Variants in IQGAP2 observed in about 807,000 individuals in gnomAD.
IQGAP2 encodes the protein IQ motif containing GTPase activating protein 2.
IQGAP2 carries 173 observed loss-of-function variants against 201.3 expected under a neutral mutation model. The ratio of observed to expected loss-of-function variants is 0.86; its 90% confidence interval spans 0.76 to 0.98. IQGAP2 has a LOEUF of 0.98. Among genes scored for constraint, IQGAP2 ranks in the 50% least tolerant of loss-of-function variants. IQGAP2 has a pLI of 0.00. For synonymous variants in IQGAP2, 675 were observed against 673.9 expected, an observed-to-expected ratio of 1.00 and a Z score of -0.03; for missense variants, 1,687 against 1,864.8, an observed-to-expected ratio of 0.90 and a Z score of 1.76.
At chr5:76,609,056 T>A in intron 12 of IQGAP2, 1 of 1,516,754 alleles carries the variant, frequency 6.6e-7, no homozygotes, top group Non-Finnish European at 8.8e-7. Flanking sequence ...GGCTTCTGGG[T>A]AATCTTTCAG....
At chr5:76,461,979 T>C (rs979354052) in intron 2 of IQGAP2, among the ~76,000 whole-genome samples, 1 of 152,230 alleles carries the variant, frequency 6.6e-6, no homozygotes, top group Non-Finnish European at 1.5e-5. Flanking sequence ...ATTTGCAGTC[T>C]TGTTGGCAGC....
intron 2 of IQGAP2, chr5:76,510,558 G>A (rs1757900613): frequency 1.1e-5 from 5 of 454,906 alleles, no homozygotes; most frequent in South Asian, 8.0e-5. Context: ...AAGGTATAGA[G>A]TCTCATGGAC....
chr5:76,665,886 A>G (rs1053334761), intron 22 of IQGAP2, among the ~76,000 whole-genome samples: 1 of 152,222 alleles, frequency 6.6e-6, no homozygotes, highest in African/African-American at 2.4e-5. Flanking sequence ...AGCAATAGAA[A>G]TTAACAAGCA....
At chr5:76,699,551 T>G (rs1228737353) in intron 33 of IQGAP2, 1 of 151,390 alleles carries the variant, frequency 6.6e-6, no homozygotes, top group Non-Finnish European at 1.5e-5. Context: ...ACCTTATTGA[T>G]TTGGCTCCCA....
intron 2 of IQGAP2, among the ~76,000 whole-genome samples, chr5:76,480,364 C>G (rs549811378): frequency 6.6e-6 from 1 of 152,308 alleles, no homozygotes; most frequent in South Asian, 2.1e-4. Flanking sequence ...CTAATCCCCT[C>G]TCTCTGGAAT....
intron 17 of IQGAP2, among the ~76,000 whole-genome samples, chr5:76,650,313 A>G (rs461273): frequency 0.49 from 74,469 of 152,140 alleles, 18,801 homozygotes; most frequent in Non-Finnish European, 0.56. Flanking sequence ...ATTTCAGAAG[A>G]TACATAATAA....
chr5:76,489,920 C>T (rs1271784827), intron 2 of IQGAP2, among the ~76,000 whole-genome samples: 1 of 152,224 alleles, frequency 6.6e-6, no homozygotes, highest in Non-Finnish European at 1.5e-5. Context: ...CATATGCACA[C>T]TGCGGACTTC....
chr5:76,472,997 T>C (rs985547841), intron 2 of IQGAP2, among the ~76,000 whole-genome samples: 2 of 152,214 alleles, frequency 1.3e-5, no homozygotes, highest in Admixed American at 1.3e-4. Context: ...GGAAGGAGCA[T>C]TATCCCCATT....
chr5:76,668,809 C>G lies in IQGAP2; in HGVS notation c.2808C>G (p.Leu936=), dbSNP rs1325262547. Residue 936 remains leucine (L), a synonymous_variant, in exon 23 of 36, where the codon CTC becomes CTG. Transcript: ENST00000274364. ...ASNQREEYLL[L]KLFKTALEEE... The stretch of plus-strand genomic sequence containing the variant: ...ATCAGCGAGAAGAATATCTACTTCT[C>G]AAGCTTTTTAAAACTGCTCTGGAGG... 3.1e-6 allele frequency: 5 copies of G among 1,605,718 alleles called. No individual in the cohort carries two copies. The highest frequency in any genetic ancestry group is 4.3e-6 in the Non-Finnish European group (5 of 1,176,146).
chr5:76,504,982 C>T (rs1757523413), intron 2 of IQGAP2, among the ~76,000 whole-genome samples: 1 of 152,156 alleles, frequency 6.6e-6, no homozygotes, highest in Non-Finnish European at 1.5e-5. Context: ...CTGAAATCCA[C>T]CCCACCTCCC....
intron 2 of IQGAP2, among the ~76,000 whole-genome samples, chr5:76,530,009 G>A (rs573807001): frequency 1.3e-5 from 2 of 152,240 alleles, no homozygotes; most frequent in Admixed American, 1.3e-4. Context: ...TGATGGTTGT[G>A]TAATGCAAAT....
chr5:76,683,477 A>G (rs1745481930), intron 29 of IQGAP2, among the ~76,000 whole-genome samples: 1 of 152,240 alleles, frequency 6.6e-6, no homozygotes, highest in African/African-American at 2.4e-5. Flanking sequence ...AACCTGTATT[A>G]TACAGAAAGA....
intron 34 of IQGAP2, among the ~76,000 whole-genome samples, chr5:76,702,145 A>G (rs772825206): frequency 9.2e-5 from 14 of 152,228 alleles, no homozygotes; most frequent in African/African-American, 1.4e-4. Context: ...GAAATACTCA[A>G]TTGGCTATAG....
intron 23 of IQGAP2, among the ~76,000 whole-genome samples, chr5:76,669,688 G>A (rs978728044): frequency 1.3e-5 from 2 of 152,146 alleles, no homozygotes; most frequent in Non-Finnish European, 2.9e-5. Flanking sequence ...CATGGGCATA[G>A]GTCCCAGGAG....
At chr5:76,427,445 C>G (rs115696811) in intron 1 of IQGAP2, among the ~76,000 whole-genome samples, 128 of 152,224 alleles carry the variant, frequency 8.4e-4, no homozygotes, top group African/African-American at 2.7e-3. Flanking sequence ...AGCTCTCCCC[C>G]CTCCCCTTTC....
chr5:76,424,752 G>A (rs2150084337), intron 1 of IQGAP2, among the ~76,000 whole-genome samples: 1 of 152,308 alleles, frequency 6.6e-6, no homozygotes, highest in East Asian at 1.9e-4. Context: ...CCCAGAGCTG[G>A]GCTCTGGCTC....
At chr5:76,508,209 C>A (rs193184073) in intron 2 of IQGAP2, among the ~76,000 whole-genome samples, 4 of 150,894 alleles carry the variant, frequency 2.7e-5, no homozygotes, top group Non-Finnish European at 4.4e-5. Context: ...TGGCACATGA[C>A]TATAATCCCA....
At chr5:76,525,113 G>A (rs1758895721) in intron 2 of IQGAP2, among the ~76,000 whole-genome samples, 1 of 152,168 alleles carries the variant, frequency 6.6e-6, no homozygotes, top group Non-Finnish European at 1.5e-5. Flanking sequence ...CTGTGTCTTG[G>A]CATTTTCAAA....
At position 76,625,514 on chromosome 5, in the gene IQGAP2, T is replaced by C. The variant is rs115062102; in HGVS notation, c.1522-1896T>C. ...CTGTTTGAGCCTCCCCCATCCATTC[T>C]TGAAAGAAATGGAAAATCTTGCTGA... On this transcript the variant is annotated intron_variant, in intron 13 of 35. Transcript: ENST00000274364. Among the ~76,000 whole-genome samples, 1,362 of 152,284 alleles carry C rather than the reference T, an allele frequency of 8.9e-3. 22 individuals carry two copies. The highest frequency in any genetic ancestry group is 0.032 in the African/African-American group (1,311 of 41,546).
Sources: allele counts gnomAD v4.1 joint callset (sites outside exome capture counted in the v4.1 genomes callset), GRCh38; gene constraint gnomAD v4.1.1; transcripts MANE v1.5; gene names NCBI Gene and HGNC (gene_info 2026-07-23, HGNC 2026-07-21).